Variants in ART3 observed in about 807,000 individuals in gnomAD.
ART3 encodes ecto-ADP-ribosyltransferase 3.
Under a neutral mutation model 48.5 loss-of-function variants are expected in ART3, and 49 were observed. The observed-to-expected ratio is 1.01, with a 90% confidence interval of 0.80 to 1.28. ART3 has a LOEUF of 1.28. Ranked by LOEUF, ART3 falls within the 50% of genes most tolerant of loss-of-function variation. ART3 has a pLI of 0.00. For missense variants in ART3, 438 were observed against 454.3 expected, an observed-to-expected ratio of 0.96 and a Z score of 0.33; for synonymous variants, 145 against 157.2, an observed-to-expected ratio of 0.92 and a Z score of 0.58.
At chr4:76,087,071 G>GAACC (rs1256166514) in intron 3 of ART3, among the ~76,000 whole-genome samples, 1 of 152,208 alleles carries the variant, frequency 6.6e-6, no homozygotes, top group African/African-American at 2.4e-5. Context: ...GCCGTTTGTG[G>GAACC]AACCGTTAGT....
chr4:76,030,109 T>C (rs6845198), intron 1 of ART3, among the ~76,000 whole-genome samples: 93,009 of 152,064 alleles, frequency 0.61, 29,526 homozygotes, highest in East Asian at 0.94. Context: ...CAGGCTGGAG[T>C]GCAATGACGC....
At chr4:76,085,642 G>A (rs1465378368) in intron 3 of ART3, among the ~76,000 whole-genome samples, 4 of 152,180 alleles carry the variant, frequency 2.6e-5, no homozygotes, top group African/African-American at 9.7e-5. Flanking sequence ...GGGGAAAAAA[G>A]ACAAAAGACG....
Position 76,082,238 on chromosome 4 carries a change from T to C in ART3, c.484T>C (p.Tyr162His), listed in dbSNP as rs1367801256. Residue 162 changes from tyrosine (Y) to histidine (H), a missense_variant, in exon 3 of 12, where the codon TAT becomes CAT. By Grantham distance (83) the Tyr-to-His change is moderately conservative (BLOSUM62 2). This residue lies in a region of ART3 where 206 missense variants were observed against 205.3 expected (regional missense o/e 1.00). Transcript: ENST00000355810. The part of the protein sequence containing the change: ...PCEASSKTVV[Y>H]RTSQGTSFTF... ...TGAGGCCAGTTCCAAAACTGTGGTATATAGAACAAGCCAGGGCACTTCATT... is the reference window on the plus strand; with the variant it reads ...TGAGGCCAGTTCCAAAACTGTGGTACATAGAACAAGCCAGGGCACTTCATT... 4 of 1,614,150 alleles carry C rather than the reference T, an allele frequency of 2.5e-6. No individual in the cohort carries two copies. The highest frequency in any genetic ancestry group is 2.5e-6 in the Non-Finnish European group (3 of 1,180,024).
At chr4:76,062,591 C>T (rs1351257336) in intron 1 of ART3, among the ~76,000 whole-genome samples, 1 of 124,236 alleles carries the variant, frequency 8.0e-6, no homozygotes, top group African/African-American at 3.2e-5. Context: ...GACAGAGTCT[C>T]GCTCTGTTGC....
chr4:76,108,234 C>G (rs1324283792), intron 11 of ART3, among the ~76,000 whole-genome samples: 1 of 151,776 alleles, frequency 6.6e-6, no homozygotes, highest in Non-Finnish European at 1.5e-5. Context: ...CTAAAGTAGA[C>G]CGATGTTTAC....
chr4:76,049,760 G>A (rs1027647375), intron 1 of ART3, among the ~76,000 whole-genome samples: 1 of 152,040 alleles, frequency 6.6e-6, no homozygotes, highest in African/African-American at 2.4e-5. Flanking sequence ...ACCGCTCGGC[G>A]ATAGGCGAAA....
chr4:76,086,717 A>G (rs566711431), intron 3 of ART3, among the ~76,000 whole-genome samples: 1 of 152,336 alleles, frequency 6.6e-6, no homozygotes, highest in South Asian at 2.1e-4. Flanking sequence ...AAATATACAC[A>G]ATAAAATTCA....
chr4:76,106,758 G>A (rs1331476436), intron 10 of ART3, among the ~76,000 whole-genome samples: 1 of 152,098 alleles, frequency 6.6e-6, no homozygotes, highest in Non-Finnish European at 1.5e-5. Context: ...CTTTGTGCCC[G>A]AGCTGTTTTA....
intron 8 of ART3, among the ~76,000 whole-genome samples, chr4:76,102,677 A>T (rs1344879994): frequency 1.7e-5 from 2 of 117,634 alleles, no homozygotes; most frequent in Non-Finnish European, 4.1e-5. Context: ...TTAAAAATGT[A>T]TATGTATATA....
chr4:76,022,513 T>A, intron 1 of ART3: 1 of 1,544,098 alleles, frequency 6.5e-7, no homozygotes, highest in Admixed American at 1.7e-5. Context: ...ATAAAACAGA[T>A]GGCATACGCA....
intron 3 of ART3, among the ~76,000 whole-genome samples, chr4:76,088,893 A>G (rs1426461060): frequency 2.0e-5 from 3 of 152,160 alleles, no homozygotes; most frequent in East Asian, 3.9e-4. Flanking sequence ...CTCAGTTTCA[A>G]AGTTACATGT....
At chr4:76,034,959 T>C (rs1226416547) in intron 1 of ART3, 31 of 1,404,640 alleles carry the variant, frequency 2.2e-5, no homozygotes, top group Non-Finnish European at 4.0e-6. Flanking sequence ...TAGCAGAATC[T>C]TTCTGTAGTT....
chr4:76,091,001 C>T (rs191255806), intron 3 of ART3, among the ~76,000 whole-genome samples: 50 of 152,330 alleles, frequency 3.3e-4, no homozygotes, highest in African/African-American at 1.2e-3. Flanking sequence ...CAAATCTTAT[C>T]ATACAGTATA....
chr4:76,018,975 G>A (rs1186503702), intron 1 of ART3, among the ~76,000 whole-genome samples: 3 of 150,202 alleles, frequency 2.0e-5, no homozygotes, highest in Non-Finnish European at 3.0e-5. Context: ...TGGGAGGTGG[G>A]GGTTGGAGTG....
In ART3 at chr4:76,098,699, G is replaced by T. The variant is rs113151339; in HGVS notation, c.815-256G>T. Among the ~76,000 whole-genome samples the T allele has an allele frequency of 4.7e-3, 710 of 152,290 alleles. 3 individuals carry two copies. Among genetic ancestry groups the T allele is most frequent in the African/African-American group, 0.016 (676 of 41,546 alleles). ...GCTTGAAACCCGGGAGGCAGAGGTTGCAGTGAGCCGGGATCGTGCCACTGC... is the reference window on the plus strand; with the variant it reads ...GCTTGAAACCCGGGAGGCAGAGGTTTCAGTGAGCCGGGATCGTGCCACTGC... On this transcript the variant is annotated intron_variant, in intron 4 of 11. Coordinates refer to ENST00000355810, the MANE Select transcript of ART3 (RefSeq NM_001130016.3).
At chr4:76,066,590 A>G (rs776125424) in intron 1 of ART3, among the ~76,000 whole-genome samples, 4 of 152,154 alleles carry the variant, frequency 2.6e-5, no homozygotes, top group Non-Finnish European at 5.9e-5. Context: ...TGGTCATCCC[A>G]TCTTCTGCTC....
chr4:76,023,433 G>T (rs1472695169), intron 1 of ART3: 4 of 1,613,642 alleles, frequency 2.5e-6, no homozygotes, highest in Admixed American at 1.7e-5. Context: ...TTGATTCATG[G>T]TGCTGAGACT....
At chr4:76,018,356 G>GT (rs1732450309) in intron 1 of ART3, among the ~76,000 whole-genome samples, 1 of 152,156 alleles carries the variant, frequency 6.6e-6, no homozygotes, top group African/African-American at 2.4e-5. Context: ...AATACTGCAT[G>GT]TTCTCACTTA....
intron 2 of ART3, among the ~76,000 whole-genome samples, chr4:76,076,859 G>T (rs753734055): frequency 1.3e-5 from 2 of 151,664 alleles, no homozygotes; most frequent in Non-Finnish European, 2.9e-5. Flanking sequence ...TCCCCACGTT[G>T]TTAGCTGCCA....
Sources: allele counts gnomAD v4.1 joint callset (sites outside exome capture counted in the v4.1 genomes callset), GRCh38; gene constraint gnomAD v4.1.1; regional missense constraint gnomAD v4.1.1; transcripts MANE v1.5; gene names NCBI Gene and HGNC (gene_info 2026-07-23, HGNC 2026-07-21).